Variants in SLC6A6 observed in about 807,000 individuals in gnomAD.
SLC6A6 encodes the protein solute carrier family 6 member 6, also known as sodium- and chloride-dependent taurine transporter.
A neutral mutation model predicts 68.8 loss-of-function variants in SLC6A6; 16 were observed. The observed-to-expected ratio is 0.23, with a 90% CI of 0.16 to 0.35. The LOEUF (loss-of-function observed/expected upper bound fraction) is 0.35. Among genes scored for constraint, SLC6A6 ranks in the 10% least tolerant of loss-of-function variants. The probability of loss-of-function intolerance (pLI) is 1.00; values close to 1 mark genes in which losing one functional copy is unlikely to be tolerated. For synonymous variants in SLC6A6, 312 were observed against 315.4 expected (o/e 0.99, Z 0.12); for missense variants, 474 against 802.8 (o/e 0.59, Z 4.95).
intron 5 of SLC6A6, among the ~76,000 whole-genome samples, chr3:14,448,636 A>C (rs1363459256): frequency 6.6e-6 from 1 of 152,240 alleles, no homozygotes; most frequent in Non-Finnish European, 1.5e-5. Context: ...GAAAGCCACA[A>C]GACAAACCCA....
intron 14 of SLC6A6, among the ~76,000 whole-genome samples, chr3:14,484,178 G>A (rs1010649755): frequency 2.0e-5 from 3 of 152,172 alleles, no homozygotes; most frequent in Non-Finnish European, 2.9e-5. Context: ...GATTTTCTGG[G>A]TATCCTTGGA....
intron 3 of SLC6A6, 138 bp from the exon 4 acceptor site, chr3:14,445,579 C>G: frequency 1.1e-6 from 1 of 948,486 alleles, no homozygotes; most frequent in Non-Finnish European, 1.6e-6. Context: ...CATTTCCCAC[C>G]AGGTCCAAGA....
chr3:14,435,162 A>G (rs1227473453), intron 2 of SLC6A6, among the ~76,000 whole-genome samples: 3 of 152,090 alleles, frequency 2.0e-5, no homozygotes, highest in Non-Finnish European at 4.4e-5. Context: ...AAGGTCATGG[A>G]GTTGGGACGT....
intron 2 of SLC6A6, among the ~76,000 whole-genome samples, chr3:14,430,510 G>A (rs541206218): frequency 1.3e-5 from 2 of 152,314 alleles, no homozygotes; most frequent in Non-Finnish European, 2.9e-5. Flanking sequence ...CACGTAGGAA[G>A]ACCACAGTTG....
At chr3:14,439,700 G>A (rs902386239) in intron 2 of SLC6A6, among the ~76,000 whole-genome samples, 5 of 152,224 alleles carry the variant, frequency 3.3e-5, no homozygotes, top group East Asian at 1.9e-4. Context: ...GTGCAGGGAC[G>A]CCTGTGGAGG....
At chr3:14,466,783 GC>G (rs896857936) in intron 7 of SLC6A6, 133 bp downstream of exon 7, 8 of 769,914 alleles carry the variant, frequency 1.0e-5, no homozygotes, top group African/African-American at 6.9e-5. Flanking sequence ...CTGGGCCACC[GC>G]CCCCTGGTAC....
chr3:14,420,489 C>CTT (rs763732632), intron 2 of SLC6A6, among the ~76,000 whole-genome samples: 4,107 of 128,016 alleles, frequency 0.032, 328 homozygotes, highest in African/African-American at 0.12. Flanking sequence ...AACCACTCTG[C>CTT]TTTTTTTTTT....
intron 1 of SLC6A6, among the ~76,000 whole-genome samples, chr3:14,413,704 C>T (rs1170901928): frequency 2.0e-5 from 3 of 147,622 alleles, no homozygotes; most frequent in Admixed American, 6.7e-5. Context: ...TGCCTGGGGC[C>T]GGGGGTGGGG....
Position 14,416,616 on chromosome 3 carries a change from A to G in SLC6A6, c.-12+163A>G, listed in dbSNP as rs944134317. On this transcript the variant is annotated intron_variant, in intron 2 of 14. Transcript: ENST00000622186. ...TCCACACCTCACCTCCAGGTGGCAG[A>G]TCCCCTGGCCTGGCTTGGCCACTCT... Among the ~76,000 whole-genome samples the G allele has an allele frequency of 7.9e-5, 12 of 152,274 alleles. No homozygotes were observed. In the East Asian group the frequency reaches 1.2e-3, roughly 15 times the overall value.
In SLC6A6 at chr3:14,485,210, G is replaced by A. The variant is rs946814469; in HGVS notation, c.*203G>A. Reference sequence around the variant, plus strand: ...GTGTGTGTTTTGTTTTGATTTGGGGGATATTTTGTACAAAAAGAAAACCCA... The same window carrying A: ...GTGTGTGTTTTGTTTTGATTTGGGGAATATTTTGTACAAAAAGAAAACCCA... On this transcript the variant is annotated 3_prime_UTR_variant, in exon 15 of 15. Transcript: ENST00000622186. 2 of 410,200 alleles carry A rather than the reference G, an allele frequency of 4.9e-6. No homozygotes were observed. Among genetic ancestry groups the A allele is most frequent in the South Asian group, 8.2e-5 (1 of 12,230 alleles). 25.4% of individuals were successfully genotyped at this position (410,200 alleles called of 1,614,324 possible). A position where few individuals can be genotyped will look rare whatever the true frequency, so the allele number is the denominator to read the frequency against.
chr3:14,433,034 AT>A (rs1233457381), intron 2 of SLC6A6, among the ~76,000 whole-genome samples: 1 of 152,006 alleles, frequency 6.6e-6, no homozygotes, highest in East Asian at 1.9e-4. Context: ...TTGTAGAATA[AT>A]TTTTGTTTCT....
chr3:14,480,232 A>G (rs1390663135), intron 13 of SLC6A6, among the ~76,000 whole-genome samples: 1 of 152,218 alleles, frequency 6.6e-6, no homozygotes, highest in African/African-American at 2.4e-5. Context: ...CACAAAAATA[A>G]GTAATGGTAA....
At chr3:14,433,621 G>A (rs977420260) in intron 2 of SLC6A6, among the ~76,000 whole-genome samples, 3 of 151,994 alleles carry the variant, frequency 2.0e-5, no homozygotes, top group African/African-American at 7.3e-5. Flanking sequence ...GGCCAACATG[G>A]TGAAACCCCA....
rs1004369964 is a variant in SLC6A6 at position 14,487,061 on chromosome 3, T to C, written c.*2054T>C. ...TTAGTAAACTAACCACTGTCAATGA[T>C]TGAGGGCAGGTGGCACGTGGGGAAG... On this transcript the variant is annotated 3_prime_UTR_variant, in exon 15 of 15. Transcript: ENST00000622186. 9 of 152,672 alleles carry C rather than the reference T, an allele frequency of 5.9e-5. No homozygotes were observed. The highest frequency in any genetic ancestry group is 2.6e-4 in the Admixed American group (4 of 15,282). 9.5% of individuals were successfully genotyped at this position (152,672 alleles called of 1,614,324 possible).
intron 2 of SLC6A6, among the ~76,000 whole-genome samples, chr3:14,441,867 C>T (rs1444667133): frequency 6.6e-6 from 1 of 152,284 alleles, no homozygotes; most frequent in Admixed American, 6.5e-5. Context: ...GCCTGACACC[C>T]TACTGTGTGC....
chr3:14,415,383 C>T (rs1699340052), intron 1 of SLC6A6, among the ~76,000 whole-genome samples: 1 of 152,152 alleles, frequency 6.6e-6, no homozygotes, highest in East Asian at 1.9e-4. Context: ...GCAAGTGCGC[C>T]TCTGGGTCTG....
Position 14,473,596 on chromosome 3 carries a change from C to T in SLC6A6, c.1209+1279C>T, listed in dbSNP as rs371183816. Reference sequence around the variant, plus strand: ...CCAGGGAGAGGAGGCGGCCAGCCAGCAAGGTCAAGAGCAGAGCAGGGGATT... The same window carrying T: ...CCAGGGAGAGGAGGCGGCCAGCCAGTAAGGTCAAGAGCAGAGCAGGGGATT... On this transcript the variant is annotated intron_variant, in intron 10 of 14. Transcript: ENST00000622186. Among the ~76,000 whole-genome samples, 11 of 152,244 alleles carry T rather than the reference C, an allele frequency of 7.2e-5. No homozygotes were observed. The East Asian group carries it at 2.1e-3, about 29-fold the overall frequency.
At chr3:14,453,009 G>C (rs1013040599) in intron 5 of SLC6A6, among the ~76,000 whole-genome samples, 1 of 152,240 alleles carries the variant, frequency 6.6e-6, no homozygotes, top group Non-Finnish European at 1.5e-5. Context: ...TGCAAACAAG[G>C]CCTGCTCAGC....
chr3:14,463,953 C>T lies in SLC6A6; in HGVS notation c.733-2563C>T, dbSNP rs1429032989. Among the ~76,000 whole-genome samples, 3 of 152,222 alleles carry T rather than the reference C, an allele frequency of 2.0e-5. 1 individual carries two copies. Among genetic ancestry groups the T allele is most frequent in the Admixed American group, 2.0e-4 (3 of 15,288 alleles). On this transcript the variant is annotated intron_variant, in intron 6 of 14. Transcript: ENST00000622186. ...AGCAAGGTCAGCGTTCCCTTATCCT[C>T]AGTGGACAGATGGGGAAGCTGAGGC...
Sources: gnomAD v4.1 joint callset for allele counts (sites outside exome capture counted in the v4.1 genomes callset) on GRCh38, gnomAD v4.1.1 for gene constraint, MANE v1.5 for transcripts, NCBI Gene and HGNC (gene_info 2026-07-23, HGNC 2026-07-21) for gene names.